The following WNT7A variants were observed in gnomAD, a reference collection of about 807,000 sequenced individuals.
WNT7A encodes the protein protein Wnt-7a.
In WNT7A, 16 loss-of-function variants were observed where a neutral mutation model predicts 28.2. That is an observed-to-expected ratio of 0.57 (90% CI 0.38 to 0.86). WNT7A has a LOEUF of 0.86. Ranked by LOEUF, WNT7A falls within the 40% of genes least tolerant of loss-of-function variation. The pLI is 0.00. For synonymous variants in WNT7A, 190 were observed against 195.9 expected (o/e 0.97, Z 0.25); for missense variants, 411 against 489.7 (o/e 0.84, Z 1.52).
intron 1 of WNT7A, among the ~76,000 whole-genome samples, chr3:13,876,128 G>A (rs1274337163): frequency 6.6e-6 from 1 of 152,242 alleles, no homozygotes; most frequent in Non-Finnish European, 1.5e-5. Context: ...TCCTTGAGGA[G>A]TTGACATTAG....
At chr3:13,873,739 A>G (rs962497286) in intron 2 of WNT7A, among the ~76,000 whole-genome samples, 7 of 152,130 alleles carry the variant, frequency 4.6e-5, no homozygotes, top group Admixed American at 4.6e-4. Context: ...GGGACTTTCG[A>G]CAAGGTCGAA....
chr3:13,829,277 AAAC>A (rs1694241806), intron 3 of WNT7A, among the ~76,000 whole-genome samples: 1 of 152,220 alleles, frequency 6.6e-6, no homozygotes, highest in African/African-American at 2.4e-5. Flanking sequence ...TGCAGGAAAA[AAAC>A]AAACTCCTAT....
At chr3:13,832,623 G>A (rs1694299847) in intron 3 of WNT7A, among the ~76,000 whole-genome samples, 1 of 151,512 alleles carries the variant, frequency 6.6e-6, no homozygotes, top group Non-Finnish European at 1.5e-5. Context: ...ATACCTCTGG[G>A]CGACTCAGAT....
chr3:13,826,933 T>A (rs553845512), intron 3 of WNT7A, among the ~76,000 whole-genome samples: 1 of 152,328 alleles, frequency 6.6e-6, no homozygotes, highest in South Asian at 2.1e-4. Context: ...TTTTCAGAAC[T>A]GGACTATGCC....
At chr3:13,855,159 C>A (rs1694708683) in intron 2 of WNT7A, among the ~76,000 whole-genome samples, 1 of 152,224 alleles carries the variant, frequency 6.6e-6, no homozygotes, top group African/African-American at 2.4e-5. Flanking sequence ...AAACTGCACA[C>A]GTGCATAAAG....
At chr3:13,834,967 C>T (rs559750246) in intron 3 of WNT7A, among the ~76,000 whole-genome samples, 1 of 152,180 alleles carries the variant, frequency 6.6e-6, no homozygotes, top group African/African-American at 2.4e-5. Flanking sequence ...AAATGAATGA[C>T]TGAGAGCAGT....
At chr3:13,834,407 G>A (rs976340807) in intron 3 of WNT7A, among the ~76,000 whole-genome samples, 8 of 151,976 alleles carry the variant, frequency 5.3e-5, no homozygotes, top group African/African-American at 1.9e-4. Flanking sequence ...GAGGTCAGGG[G>A]CACGCTGTGG....
chr3:13,841,874 A>G (rs73143994), intron 3 of WNT7A, among the ~76,000 whole-genome samples: 23,106 of 152,236 alleles, frequency 0.15, 2,392 homozygotes, highest in African/African-American at 0.28. Context: ...GAGTTCAAAT[A>G]TGGTGGTCAG....
intron 3 of WNT7A, among the ~76,000 whole-genome samples, chr3:13,820,102 G>T (rs1363124003): frequency 6.6e-6 from 1 of 151,856 alleles, no homozygotes; most frequent in Non-Finnish European, 1.5e-5. Context: ...ATATCTTTGG[G>T]ACTAAAGCTT....
rs540706917 is a variant in WNT7A at position 13,852,056 on chromosome 3, G to A, written c.570+2476C>T. 5.3e-5 allele frequency among the ~76,000 whole-genome samples: 8 copies of A among 152,352 alleles called. No individual in the cohort carries two copies. In the South Asian group the frequency reaches 1.7e-3, roughly 32 times the overall value. On this transcript the variant is annotated intron_variant, in intron 3 of 3. Coordinates refer to ENST00000285018, the MANE Select transcript of WNT7A (RefSeq NM_004625.4). ...GCCCCTGCCCCATGGCCCACATCCT[G>A]CTGGGCTTAGACTCAAACTGGGGAC...
intron 1 of WNT7A, chr3:13,877,055 A>C (rs985643483): frequency 6.6e-6 from 1 of 152,240 alleles, no homozygotes; most frequent in African/African-American, 2.4e-5. Context: ...TGCTGAATAA[A>C]TGGATTGTGG....
At chr3:13,826,708 A>G (rs948970391) in intron 3 of WNT7A, among the ~76,000 whole-genome samples, 2 of 152,214 alleles carry the variant, frequency 1.3e-5, no homozygotes, top group African/African-American at 4.8e-5. Context: ...AGAATAAAAC[A>G]GTGGCTGAAA....
chr3:13,843,763 C>G (rs112984251), intron 3 of WNT7A, among the ~76,000 whole-genome samples: 16,432 of 149,380 alleles, frequency 0.11, 988 homozygotes, highest in Middle Eastern at 0.21. Flanking sequence ...TTTTTTTCCC[C>G]TGAGATGGAG....
At chr3:13,823,941 C>A (rs1208713343) in intron 3 of WNT7A, among the ~76,000 whole-genome samples, 1 of 152,178 alleles carries the variant, frequency 6.6e-6, no homozygotes, top group Admixed American at 6.5e-5. Context: ...TATACAGCCC[C>A]CGGATTCTAG....
intron 2 of WNT7A, among the ~76,000 whole-genome samples, chr3:13,867,685 C>A (rs1481756677): frequency 6.6e-6 from 1 of 152,208 alleles, no homozygotes; most frequent in Non-Finnish European, 1.5e-5. Context: ...CATCCCTAGG[C>A]ATTACCTGGT....
intron 3 of WNT7A, among the ~76,000 whole-genome samples, chr3:13,826,315 G>T (rs568095922): frequency 1.3e-5 from 2 of 152,208 alleles, no homozygotes; most frequent in Admixed American, 1.3e-4. Context: ...TGCTATGAAG[G>T]AGTGAAAGCA....
In WNT7A at chr3:13,816,786, T is replaced by TA. The variant is rs913100205; in HGVS notation, c.*2157dup. 5 of 151,992 alleles carry TA rather than the reference T, an allele frequency of 3.3e-5. No individual in the cohort carries two copies. Among genetic ancestry groups the TA allele is most frequent in the Non-Finnish European group, 7.4e-5 (5 of 67,944 alleles). The allele number at this position is 151,992 out of a possible 1,614,324, so 9.4% of individuals were successfully genotyped here. A position where few individuals can be genotyped will look rare whatever the true frequency, so the allele number is the denominator to read the frequency against. On this transcript the variant is annotated 3_prime_UTR_variant, in exon 4 of 4. Transcript: ENST00000285018. ...CTGTTTATCCCTTCATCCATCCATC[T>TA]ACCCATCCATCCATTTATCCATTCA...
intron 2 of WNT7A, among the ~76,000 whole-genome samples, chr3:13,864,113 G>A (rs373242664): frequency 3.9e-4 from 59 of 152,250 alleles, no homozygotes; most frequent in African/African-American, 1.3e-3. Context: ...ATGTGGAAAA[G>A]AATGCACCCA....
At chr3:13,832,666 C>G (rs78686484) in intron 3 of WNT7A, among the ~76,000 whole-genome samples, 1 of 145,698 alleles carries the variant, frequency 6.9e-6, no homozygotes, top group Non-Finnish European at 1.5e-5. Flanking sequence ...TTTTTTTTTT[C>G]TGTAAACATT....
Sources: gnomAD v4.1 joint callset for allele counts (sites outside exome capture counted in the v4.1 genomes callset) on GRCh38, gnomAD v4.1.1 for gene constraint, MANE v1.5 for transcripts, NCBI Gene and HGNC (gene_info 2026-07-23, HGNC 2026-07-21) for gene names.